The following TSHR variants were observed in gnomAD, a reference collection of about 807,000 sequenced individuals.
TSHR encodes the protein thyroid stimulating hormone receptor.
Under a neutral mutation model 64.1 loss-of-function variants are expected in TSHR, and 51 were observed. That is an observed-to-expected ratio of 0.80 (90% CI 0.64 to 1.01). The LOEUF (loss-of-function observed/expected upper bound fraction) is 1.01, where lower values mean the gene tolerates loss of function less well. TSHR is among the 50% of genes least tolerant of loss of function. The pLI is 0.00. For missense variants in TSHR, 877 were observed against 942.8 expected (o/e 0.93, Z 0.91); for synonymous variants, 361 against 361.9 (o/e 1.00, Z 0.03).
intron 1 of TSHR, chr14:80,982,460 G>C (rs1321518337): frequency 3.6e-5 from 41 of 1,135,594 alleles, no homozygotes; most frequent in Non-Finnish European, 4.8e-5. Context: ...ACTGGGGCCA[G>C]TTGCAAACCT....
At chr14:81,132,728 A>G (rs1205240937) in intron 8 of TSHR, among the ~76,000 whole-genome samples, 2 of 152,180 alleles carry the variant, frequency 1.3e-5, no homozygotes, top group Admixed American at 1.3e-4. Flanking sequence ...CTTTGAAGAG[A>G]GTGCCAGAGT....
intron 1 of TSHR, among the ~76,000 whole-genome samples, chr14:80,979,389 G>A (rs986297249): frequency 3.3e-5 from 5 of 152,164 alleles, no homozygotes; most frequent in African/African-American, 1.2e-4. Context: ...GAAGAAATGA[G>A]GAGAGGTTGG....
chr14:81,073,253 C>A (rs1887251173), intron 3 of TSHR, among the ~76,000 whole-genome samples: 2 of 150,922 alleles, frequency 1.3e-5, no homozygotes, highest in Non-Finnish European at 3.0e-5. Flanking sequence ...CAATAATTGG[C>A]AATCATACTG....
chr14:80,976,561 T>C (rs1279702520), intron 1 of TSHR, among the ~76,000 whole-genome samples: 1 of 152,222 alleles, frequency 6.6e-6, no homozygotes, highest in Non-Finnish European at 1.5e-5. Flanking sequence ...GTTATTGCAC[T>C]TGTTTGTCTA....
intron 6 of TSHR, among the ~76,000 whole-genome samples, chr14:81,092,828 T>G (rs1045510116): frequency 6.6e-6 from 1 of 152,192 alleles, no homozygotes; most frequent in Non-Finnish European, 1.5e-5. Context: ...ATTACGGCAG[T>G]GGTTGGTACA....
intron 1 of TSHR, chr14:81,052,852 T>C (rs558336379): frequency 7.2e-5 from 11 of 152,240 alleles, no homozygotes; most frequent in African/African-American, 2.4e-4. Flanking sequence ...TGTTACCATA[T>C]AGAAACACTA....
intron 1 of TSHR, among the ~76,000 whole-genome samples, chr14:81,039,439 A>C (rs1262581467): frequency 6.6e-6 from 1 of 151,964 alleles, no homozygotes; most frequent in Non-Finnish European, 1.5e-5. Context: ...CAAGACAAGC[A>C]TGCCCACTTT....
intron 1 of TSHR, among the ~76,000 whole-genome samples, chr14:81,014,763 T>C (rs538333744): frequency 6.6e-6 from 1 of 152,310 alleles, no homozygotes; most frequent in East Asian, 1.9e-4. Flanking sequence ...TTAGTCATGG[T>C]GTGTTAGCAG....
chr14:81,022,451 A>G (rs1365341558), intron 1 of TSHR, among the ~76,000 whole-genome samples: 1 of 152,152 alleles, frequency 6.6e-6, no homozygotes, highest in African/African-American at 2.4e-5. Context: ...ACTGAGTGCT[A>G]TGATTTGAAT....
intron 1 of TSHR, among the ~76,000 whole-genome samples, chr14:81,044,381 C>T (rs1004498884): frequency 5.9e-5 from 9 of 152,014 alleles, no homozygotes; most frequent in African/African-American, 1.4e-4. Flanking sequence ...ACTATGAGGC[C>T]GGGACAGTGG....
intron 1 of TSHR, among the ~76,000 whole-genome samples, chr14:80,986,319 T>C (rs139226852): frequency 6.6e-6 from 1 of 152,086 alleles, no homozygotes; most frequent in African/African-American, 2.4e-5. Flanking sequence ...TAGAGAGAGA[T>C]AGATAGAGAT....
intron 1 of TSHR, chr14:81,050,468 C>T (rs924314621): frequency 3.9e-5 from 6 of 152,086 alleles, no homozygotes; most frequent in Non-Finnish European, 5.9e-5. Flanking sequence ...CATACCATCA[C>T]GAATATTCAG....
intron 7 of TSHR, among the ~76,000 whole-genome samples, chr14:81,097,579 C>T (rs1046767249): frequency 2.0e-5 from 3 of 152,144 alleles, no homozygotes; most frequent in African/African-American, 7.2e-5. Context: ...ATAGACCACA[C>T]TTTAAGTAGC....
intron 9 of TSHR, among the ~76,000 whole-genome samples, chr14:81,140,107 A>G (rs181181829): frequency 9.6e-4 from 147 of 152,360 alleles, no homozygotes; most frequent in African/African-American, 3.4e-3. Flanking sequence ...CAGATGGCAC[A>G]GGAGAGAGAA....
intron 7 of TSHR, chr14:81,104,587 G>A (rs1336804697): frequency 1.0e-5 from 10 of 985,308 alleles, no homozygotes; most frequent in Non-Finnish European, 1.2e-5. Context: ...CCTCCAGCAA[G>A]TCTTTACTGA....
At chr14:81,130,317 C>T (rs188895417) in intron 8 of TSHR, among the ~76,000 whole-genome samples, 19 of 152,300 alleles carry the variant, frequency 1.2e-4, no homozygotes, top group African/African-American at 4.3e-4. Flanking sequence ...ACTAAAACTC[C>T]GTTTACCAGG....
intron 1 of TSHR, among the ~76,000 whole-genome samples, chr14:81,057,660 A>C (rs1040660054): frequency 4.6e-5 from 7 of 152,210 alleles, no homozygotes; most frequent in African/African-American, 1.7e-4. Flanking sequence ...ATTGATTGAC[A>C]CAGGTGGTTA....
At chr14:81,002,781 C>CTTTTTTT (rs1174635270) in intron 1 of TSHR, among the ~76,000 whole-genome samples, 8 of 44,318 alleles carry the variant, frequency 1.8e-4, no homozygotes, top group African/African-American at 2.9e-4. Context: ...CCTAATGCCT[C>CTTTTTTT]TTTTTTTTTT....
intron 8 of TSHR, among the ~76,000 whole-genome samples, chr14:81,129,695 T>A (rs1259009096): frequency 6.6e-6 from 1 of 152,190 alleles, no homozygotes; most frequent in African/African-American, 2.4e-5. Flanking sequence ...GAGCATAAAA[T>A]CAATCCAAAG....
Sources: allele counts gnomAD v4.1 joint callset (sites outside exome capture counted in the v4.1 genomes callset), GRCh38; gene constraint gnomAD v4.1.1; transcripts MANE v1.5; gene names NCBI Gene and HGNC (gene_info 2026-07-23, HGNC 2026-07-21).